Variants in SLC24A4 observed in about 807,000 individuals in gnomAD.
SLC24A4 encodes the protein solute carrier family 24 member 4.
In SLC24A4, 53 loss-of-function variants were observed where a neutral mutation model predicts 79.0. The observed-to-expected ratio is 0.67, with a 90% CI of 0.54 to 0.84. The LOEUF is 0.84. Among genes scored for constraint, SLC24A4 ranks in the 40% least tolerant of loss-of-function variants. The probability of loss-of-function intolerance (pLI) is 0.00; values close to 1 mark genes in which losing one functional copy is unlikely to be tolerated. For missense variants in SLC24A4, 731 were observed against 822.0 expected (o/e 0.89, Z 1.35); for synonymous variants, 323 against 323.8 (o/e 1.00, Z 0.03).
intron 12 of SLC24A4, among the ~76,000 whole-genome samples, chr14:92,466,468 T>C (rs574263617): frequency 6.6e-6 from 1 of 152,322 alleles, no homozygotes; most frequent in South Asian, 2.1e-4. Flanking sequence ...TGAACCTGGA[T>C]ACCTAGCTTA....
rs895603185 is a variant in SLC24A4, at chr14:92,353,800, G to A, written c.241+27822G>A. Among the ~76,000 whole-genome samples the A allele has an allele frequency of 1.3e-5, 2 of 152,182 alleles. No individual in the cohort carries two copies. Among genetic ancestry groups the A allele is most frequent in the African/African-American group, 4.8e-5 (2 of 41,440 alleles). On this transcript the variant is annotated intron_variant, in intron 2 of 16. Transcript: ENST00000532405. The surrounding 1 kb of genome is among the most constrained non-coding windows in gnomAD (Gnocchi z 4.1). ...AGAGATAAATCTAGCATGGCCAGGG[G>A]AGGCATCTTGAGTGTTCAGTTCCCT...
chr14:92,448,379 CAA>C (rs1491453122), intron 9 of SLC24A4, among the ~76,000 whole-genome samples: 101 of 148,822 alleles, frequency 6.8e-4, no homozygotes, highest in African/African-American at 2.4e-3. Context: ...CACACACACA[CAA>C]ATCCCTACTC....
At chr14:92,374,959 TTGCC>T (rs765348626) in intron 2 of SLC24A4, among the ~76,000 whole-genome samples, 11 of 152,236 alleles carry the variant, frequency 7.2e-5, no homozygotes, top group Admixed American at 2.6e-4. Flanking sequence ...CATTTTTTCA[TTGCC>T]TGGCGGCCTG....
At chr14:92,393,555 T>C (rs1889605971) in intron 2 of SLC24A4, among the ~76,000 whole-genome samples, 2 of 148,752 alleles carry the variant, frequency 1.3e-5, no homozygotes, top group Admixed American at 6.7e-5. Context: ...CTTTTTTTTT[T>C]TTTTTTTTTT....
intron 2 of SLC24A4, among the ~76,000 whole-genome samples, chr14:92,349,530 G>T (rs1886750082): frequency 6.6e-6 from 1 of 152,156 alleles, no homozygotes; most frequent in Non-Finnish European, 1.5e-5. Context: ...TTGTAGATTG[G>T]CATGAAGTTG....
intron 2 of SLC24A4, among the ~76,000 whole-genome samples, chr14:92,334,025 A>G (rs1286141684): frequency 6.6e-6 from 1 of 152,182 alleles, no homozygotes; most frequent in Non-Finnish European, 1.5e-5. Flanking sequence ...GGACATCAGG[A>G]CAAGTGGGTG....
chr14:92,346,464 C>G (rs568757594), intron 2 of SLC24A4, among the ~76,000 whole-genome samples: 20 of 152,182 alleles, frequency 1.3e-4, no homozygotes, highest in Admixed American at 8.5e-4. Flanking sequence ...AGAGAGTGAC[C>G]TGAGGTCAAG....
intron 2 of SLC24A4, among the ~76,000 whole-genome samples, chr14:92,379,585 T>A (rs1021293140): frequency 1.5e-4 from 23 of 152,156 alleles, no homozygotes; most frequent in African/African-American, 5.5e-4. Flanking sequence ...GTCTCCCCTT[T>A]CCTATCCCTC....
At chr14:92,443,728 G>A (rs1232533634) in intron 7 of SLC24A4, among the ~76,000 whole-genome samples, 3 of 152,216 alleles carry the variant, frequency 2.0e-5, no homozygotes, top group Non-Finnish European at 4.4e-5. Flanking sequence ...GTCTCAAACT[G>A]CTGAGAAACC....
chr14:92,472,928 AG>A (rs1894517413), intron 12 of SLC24A4, among the ~76,000 whole-genome samples: 1 of 152,128 alleles, frequency 6.6e-6, no homozygotes, highest in Non-Finnish European at 1.5e-5. Flanking sequence ...CTCAGTTCTA[AG>A]GCTGCATACT....
chr14:92,421,246 G>A (rs1566754368), intron 2 of SLC24A4, among the ~76,000 whole-genome samples: 1 of 152,156 alleles, frequency 6.6e-6, no homozygotes, highest in Non-Finnish European at 1.5e-5. Context: ...CAGACATTCA[G>A]TAGGTCTCTC....
At chr14:92,360,559 A>C (rs1483622834) in intron 2 of SLC24A4, among the ~76,000 whole-genome samples, 1 of 152,226 alleles carries the variant, frequency 6.6e-6, no homozygotes, top group African/African-American at 2.4e-5. Flanking sequence ...TGATACCAAT[A>C]ATGCTCTTAC....
chr14:92,339,259 T>G (rs571584204), intron 2 of SLC24A4, among the ~76,000 whole-genome samples: 4 of 151,942 alleles, frequency 2.6e-5, no homozygotes, highest in African/African-American at 4.8e-5. Context: ...GCGATCCTGG[T>G]GGTAAGTAGA....
intron 2 of SLC24A4, among the ~76,000 whole-genome samples, chr14:92,365,110 C>T (rs925542837): frequency 2.0e-5 from 3 of 152,260 alleles, no homozygotes; most frequent in Non-Finnish European, 4.4e-5. Context: ...CCACTGGCAC[C>T]GCCATCCTTA....
At chr14:92,444,920 TATACACACACATACACAC>T (rs774340165) in intron 7 of SLC24A4, among the ~76,000 whole-genome samples, 417 of 123,410 alleles carry the variant, frequency 3.4e-3, no homozygotes, top group Non-Finnish European at 4.9e-3. Context: ...ACACACCCTA[TATACACACACATACACAC>T]ACACACACAC....
intron 10 of SLC24A4, among the ~76,000 whole-genome samples, chr14:92,449,779 G>A (rs529211130): frequency 1.3e-4 from 20 of 152,330 alleles, no homozygotes; most frequent in South Asian, 2.1e-4. Context: ...AGACAGCCCC[G>A]CCGGGGAGCC....
chr14:92,394,858 C>T (rs10150693), intron 2 of SLC24A4, among the ~76,000 whole-genome samples: 9,934 of 152,212 alleles, frequency 0.065, 1,097 homozygotes, highest in African/African-American at 0.22. Context: ...GTGTGTAGAG[C>T]AGGAGAGGAA....
rs1433603111 is a variant in SLC24A4 at position 92,441,273 on chromosome 14, C to G, written c.394-816C>G. Among the ~76,000 whole-genome samples, 2 of 152,220 alleles carry G rather than the reference C, an allele frequency of 1.3e-5. No homozygotes were observed. Among genetic ancestry groups the G allele is most frequent in the African/African-American group, 4.8e-5 (2 of 41,456 alleles). On this transcript the variant is annotated intron_variant, in intron 4 of 16. Coordinates refer to ENST00000532405, the MANE Select transcript of SLC24A4 (RefSeq NM_153646.4). The surrounding 1 kb of genome is among the most constrained non-coding windows in gnomAD (Gnocchi z 4.6). ...CCAGATTGGTTTTCAGGCAGACCCT[C>G]AGTCTCCACGGTTTCTCCAAACATC...
At chr14:92,377,967 G>A (rs1398997748) in intron 2 of SLC24A4, among the ~76,000 whole-genome samples, 2 of 151,912 alleles carry the variant, frequency 1.3e-5, no homozygotes, top group Admixed American at 6.6e-5. Flanking sequence ...AAGGTCTGGG[G>A]GTGGGAGGAG....
Sources: allele counts gnomAD v4.1 joint callset (sites outside exome capture counted in the v4.1 genomes callset), GRCh38; gene constraint gnomAD v4.1.1; non-coding constraint Gnocchi (gnomAD v3.1); transcripts MANE v1.5; gene names NCBI Gene and HGNC (gene_info 2026-07-23, HGNC 2026-07-21).